Variants in NEXMIF observed in about 807,000 individuals in gnomAD.
NEXMIF encodes the protein neurite extension and migration factor, also known as XLMR protein related to neurite extension.
NEXMIF carries 8 observed loss-of-function variants against 62.1 expected under a neutral mutation model. The ratio of observed to expected loss-of-function variants is 0.13; its 90% CI spans 0.08 to 0.23. The LOEUF is 0.23. Ranked by LOEUF, NEXMIF falls within the 10% of genes least tolerant of loss-of-function variation. The probability of loss-of-function intolerance (pLI) is 1.00; values close to 1 mark genes in which losing one functional copy is unlikely to be tolerated. For missense variants in NEXMIF, 976 were observed against 1,113.3 expected (o/e 0.88, Z 1.75); for synonymous variants, 404 against 416.6 (o/e 0.97, Z 0.37).
At chrX:74,897,305 C>T (rs1297614490) in intron 1 of NEXMIF, among the ~76,000 whole-genome samples, 1 of 111,994 alleles carries the variant, frequency 8.9e-6, no homozygotes, top group Non-Finnish European at 1.9e-5. Flanking sequence ...GCCCTACCTA[C>T]CTCCCACATG....
chrX:74,788,326 G>A (rs1475023867), intron 1 of NEXMIF, among the ~76,000 whole-genome samples: 3 of 111,499 alleles, frequency 2.7e-5, no homozygotes, highest in African/African-American at 9.8e-5. Flanking sequence ...AATATCAATA[G>A]TATTTCATAT....
At chrX:74,850,656 G>A (rs948054274) in intron 1 of NEXMIF, among the ~76,000 whole-genome samples, 19 of 111,088 alleles carry the variant, frequency 1.7e-4, no homozygotes, top group African/African-American at 4.9e-4. Flanking sequence ...ACTATTGCAC[G>A]TACCCAGAAT....
chrX:74,835,989 T>C (rs1342152249), intron 1 of NEXMIF, among the ~76,000 whole-genome samples: 1 of 112,560 alleles, frequency 8.9e-6, no homozygotes, highest in South Asian at 3.6e-4. Context: ...GCTAAAACCA[T>C]GACATGCAGT....
intron 1 of NEXMIF, among the ~76,000 whole-genome samples, chrX:74,836,808 G>T (rs1602245127): frequency 9.0e-6 from 1 of 111,506 alleles, no homozygotes; most frequent in East Asian, 2.8e-4. Flanking sequence ...TGTCTCCCTA[G>T]GTCACGTGCC....
At chrX:74,813,064 C>T (rs940501434) in intron 1 of NEXMIF, among the ~76,000 whole-genome samples, 1 of 111,738 alleles carries the variant, frequency 8.9e-6, no homozygotes, top group African/African-American at 3.2e-5. Context: ...ATCATAATAA[C>T]AGGCACAAAA....
At chrX:74,888,198 T>C (rs906006902) in intron 1 of NEXMIF, among the ~76,000 whole-genome samples, 11 of 108,742 alleles carry the variant, frequency 1.0e-4, no homozygotes, top group Non-Finnish European at 1.3e-4. Context: ...TAAATGAGGA[T>C]TTAATGGGTG....
At chrX:74,767,657 C>T (rs2080198698) in intron 1 of NEXMIF, among the ~76,000 whole-genome samples, 1 of 111,661 alleles carries the variant, frequency 9.0e-6, no homozygotes, top group Non-Finnish European at 1.9e-5. Context: ...GCTGGAAAAC[C>T]CCGGCAAGTG....
intron 1 of NEXMIF, among the ~76,000 whole-genome samples, chrX:74,820,447 G>C (rs2080391235): frequency 9.0e-6 from 1 of 111,095 alleles, no homozygotes; most frequent in Admixed American, 9.6e-5. Context: ...TCAATGTGAT[G>C]ATTTTTCAAA....
chrX:74,779,814 G>A (rs2080240533), intron 1 of NEXMIF, among the ~76,000 whole-genome samples: 1 of 111,736 alleles, frequency 8.9e-6, no homozygotes, highest in Admixed American at 9.5e-5. Flanking sequence ...ATGAGCTCCT[G>A]GAAAGCAGGC....
chrX:74,866,229 G>A (rs1156567978), intron 1 of NEXMIF, among the ~76,000 whole-genome samples: 1 of 111,921 alleles, frequency 8.9e-6, no homozygotes, highest in Non-Finnish European at 1.9e-5. Context: ...TGTGAGACAT[G>A]GGGTCAAAGG....
chrX:74,902,178 G>T (rs999163582), intron 1 of NEXMIF, among the ~76,000 whole-genome samples: 3 of 109,623 alleles, frequency 2.7e-5, no homozygotes, highest in Non-Finnish European at 5.7e-5. Context: ...GTAATAAATG[G>T]GATCCTCAAA....
rs756624963 is a variant in NEXMIF, at chrX:74,868,056, A to T, written c.-48+56827T>A. On this transcript the variant is annotated intron_variant, in intron 1 of 3. Coordinates refer to ENST00000055682, the MANE Select transcript of NEXMIF (RefSeq NM_001008537.3). ...ATAGCACTGATCATTAGAGAAATGCAAATCAAAACCACAATAAGATACCAT... is the reference window on the plus strand; with the variant it reads ...ATAGCACTGATCATTAGAGAAATGCTAATCAAAACCACAATAAGATACCAT... Among the ~76,000 whole-genome samples, 388 of 112,557 alleles carry T rather than the reference A, an allele frequency of 3.4e-3. 2 individuals are homozygous for T. The highest frequency in any genetic ancestry group is 0.012 in the African/African-American group (370 of 31,003).
At chrX:74,783,893 C>T (rs12014132) in intron 1 of NEXMIF, among the ~76,000 whole-genome samples, 1,392 of 111,388 alleles carry the variant, frequency 0.012, 24 homozygotes, top group African/African-American at 0.044. Flanking sequence ...ACAGGCTACC[C>T]TTGGCAAATG....
chrX:74,917,275 T>G (rs1381613211), intron 1 of NEXMIF, among the ~76,000 whole-genome samples: 2 of 111,487 alleles, frequency 1.8e-5, no homozygotes, highest in African/African-American at 6.5e-5. Flanking sequence ...TCCTTTGGTC[T>G]CTTCCTCCTG....
chrX:74,773,548 C>T (rs1394418555), intron 1 of NEXMIF, among the ~76,000 whole-genome samples: 3 of 110,831 alleles, frequency 2.7e-5, no homozygotes, highest in Non-Finnish European at 5.7e-5. Context: ...GTAGGGCAAC[C>T]TTCAACTCAT....
Position 74,818,667 on chromosome X carries a change from A to T in NEXMIF, c.-47-72970T>A, listed in dbSNP as rs186668006. Among the ~76,000 whole-genome samples, 379 of 112,401 alleles carry T rather than the reference A, an allele frequency of 3.4e-3. 2 individuals carry two copies. Among genetic ancestry groups the T allele is most frequent in the African/African-American group, 0.012 (361 of 31,007 alleles). ...GCAAAAGAAACTATTAACAAAGTAA[A>T]CAGACAACTCACAGAATGGGATAAA... On this transcript the variant is annotated intron_variant, in intron 1 of 3. Coordinates refer to ENST00000055682, the MANE Select transcript of NEXMIF (RefSeq NM_001008537.3).
rs373663454 is a variant in NEXMIF at position 74,740,174 on chromosome X, T to C, written c.4383A>G (p.Lys1461=). The change falls in exon 3 of 4, where the codon AAA becomes AAG. Residue 1461 remains lysine (K), a synonymous_variant. Transcript: ENST00000055682. ...CTCGCTCCATGTGCTTTCCCTTACA[T>C]TTCTCATCTCTCAGGGCCTTGGAGC... The part of the protein sequence containing the change: ...KSSSKALRDE[K]CKGKHMEREQ... The C allele has an allele frequency of 3.3e-6, 4 of 1,210,961 alleles. No homozygotes were observed. Among genetic ancestry groups the C allele is most frequent in the Admixed American group, 4.3e-5 (2 of 45,996 alleles).
intron 1 of NEXMIF, among the ~76,000 whole-genome samples, chrX:74,886,622 A>G (rs2080694767): frequency 9.0e-6 from 1 of 110,963 alleles, no homozygotes; most frequent in Admixed American, 9.6e-5. Flanking sequence ...AAGGAGAACT[A>G]CAAACCACTG....
intron 1 of NEXMIF, among the ~76,000 whole-genome samples, chrX:74,836,108 C>T (rs2080455675): frequency 8.9e-6 from 1 of 112,458 alleles, no homozygotes; most frequent in African/African-American, 3.2e-5. Context: ...TCTGCCTGGC[C>T]ACTGCCAATG....
Sources: allele counts gnomAD v4.1 joint callset (sites outside exome capture counted in the v4.1 genomes callset), GRCh38; gene constraint gnomAD v4.1.1; transcripts MANE v1.5; gene names NCBI Gene and HGNC (gene_info 2026-07-23, HGNC 2026-07-21).